The following SENP7 variants were observed in gnomAD, a reference collection of about 807,000 sequenced individuals.
SENP7 encodes the protein sentrin-specific protease 7.
A neutral mutation model predicts 141.2 loss-of-function variants in SENP7; 64 were observed. The observed-to-expected ratio is 0.45, with a 90% CI of 0.37 to 0.56. The LOEUF (loss-of-function observed/expected upper bound fraction) is 0.56. Among genes scored for constraint, SENP7 ranks in the 20% least tolerant of loss-of-function variants. SENP7 has a pLI of 0.00. For synonymous variants in SENP7, 382 were observed against 426.4 expected (o/e 0.90, Z 1.28); for missense variants, 1,025 against 1,212.2 (o/e 0.85, Z 2.29).
At chr3:101,402,559 TTGCAA>T (rs975046865) in intron 5 of SENP7, among the ~76,000 whole-genome samples, 2 of 143,906 alleles carry the variant, frequency 1.4e-5, no homozygotes, top group African/African-American at 5.2e-5. Context: ...GAGGCGGAGG[TTGCAA>T]TGAGATCATG....
chr3:101,397,589 A>AAGT (rs1425513050), intron 6 of SENP7, among the ~76,000 whole-genome samples: 2 of 152,246 alleles, frequency 1.3e-5, no homozygotes, highest in Non-Finnish European at 2.9e-5. Flanking sequence ...CTGATTCACT[A>AAGT]AGTAGAACCT....
intron 4 of SENP7, among the ~76,000 whole-genome samples, chr3:101,434,812 T>C (rs1444829794): frequency 6.6e-6 from 1 of 152,046 alleles, no homozygotes; most frequent in Non-Finnish European, 1.5e-5. Flanking sequence ...CGGGACCCAA[T>C]GGGTTCACTG....
At chr3:101,403,462 T>C (rs1467147702) in intron 5 of SENP7, among the ~76,000 whole-genome samples, 1 of 152,216 alleles carries the variant, frequency 6.6e-6, no homozygotes, top group Non-Finnish European at 1.5e-5. Flanking sequence ...TGCCCAAGTA[T>C]AAGTAGCTTT....
intron 2 of SENP7, among the ~76,000 whole-genome samples, chr3:101,495,255 T>C (rs1437945858): frequency 6.6e-6 from 1 of 151,976 alleles, no homozygotes; most frequent in Non-Finnish European, 1.5e-5. Context: ...AAACAACAGA[T>C]GCTGGCAATG....
At chr3:101,407,860 C>A (rs1450890894) in intron 5 of SENP7, among the ~76,000 whole-genome samples, 1 of 152,048 alleles carries the variant, frequency 6.6e-6, no homozygotes, top group African/African-American at 2.4e-5. Context: ...AATCTAAGGT[C>A]ACACCTCAAA....
At chr3:101,436,651 A>C (rs191957859) in intron 4 of SENP7, among the ~76,000 whole-genome samples, 166 of 152,364 alleles carry the variant, frequency 1.1e-3, no homozygotes, top group Non-Finnish European at 1.6e-3. Context: ...AAAGACATAC[A>C]AATGGCAAAC....
Position 101,366,786 on chromosome 3 carries a change from AG to A in SENP7, c.979-18del. ...TTGTTTTTTCTAAACATAAACACAT[AG>A]AAAAAAATAGCATTTTTCAAATTTG... On this transcript the variant is annotated intron_variant, in intron 8 of 23. Transcript: ENST00000394095. The A allele has an allele frequency of 1.3e-6, 2 of 1,499,952 alleles. No homozygotes were observed. Among genetic ancestry groups the A allele is most frequent in the Non-Finnish European group, 1.8e-6 (2 of 1,115,644 alleles). The allele number at this position is 1,499,952 out of a possible 1,614,324, so 92.9% of individuals were successfully genotyped here. A position where few individuals can be genotyped will look rare whatever the true frequency, so the allele number is the denominator to read the frequency against.
At chr3:101,366,005 G>A (rs1256526906) in intron 9 of SENP7, among the ~76,000 whole-genome samples, 1 of 152,158 alleles carries the variant, frequency 6.6e-6, no homozygotes, top group Non-Finnish European at 1.5e-5. Context: ...ATTCACTGGA[G>A]ATCCTTTAAA....
chr3:101,419,218 G>A (rs1333266201), intron 4 of SENP7, among the ~76,000 whole-genome samples: 1 of 152,166 alleles, frequency 6.6e-6, no homozygotes, highest in Non-Finnish European at 1.5e-5. Flanking sequence ...CTTCTTCAAA[G>A]AAATTAAAGG....
At chr3:101,420,260 C>A (rs2061749053) in intron 4 of SENP7, among the ~76,000 whole-genome samples, 1 of 152,038 alleles carries the variant, frequency 6.6e-6, no homozygotes, top group African/African-American at 2.4e-5. Context: ...CCCAGCTACT[C>A]AGGAGGCTGA....
Position 101,409,324 on chromosome 3 carries a change from T to C in SENP7, c.482+8269A>G, listed in dbSNP as rs149449579. On this transcript the variant is annotated intron_variant, in intron 5 of 23. Coordinates refer to ENST00000394095, the MANE Select transcript of SENP7 (RefSeq NM_020654.5). ...CAACTGGAAACACATCCCATACTCA[T>C]GGATGGGTAGAATCAATATTGTGAA... Among the ~76,000 whole-genome samples the C allele has an allele frequency of 6.2e-3, 937 of 152,332 alleles. 6 individuals are homozygous for C. Among genetic ancestry groups the C allele is most frequent in the African/African-American group, 0.022 (900 of 41,566 alleles).
intron 4 of SENP7, among the ~76,000 whole-genome samples, chr3:101,418,035 T>C (rs776564747): frequency 6.6e-6 from 1 of 152,200 alleles, no homozygotes; most frequent in Non-Finnish European, 1.5e-5. Flanking sequence ...TCATTACACA[T>C]GTACAGCTGC....
At chr3:101,340,990 G>C (rs997582015) in intron 15 of SENP7, among the ~76,000 whole-genome samples, 1 of 152,144 alleles carries the variant, frequency 6.6e-6, no homozygotes, top group Non-Finnish European at 1.5e-5. Context: ...GGTTCAGTAT[G>C]GTAAGAGTCA....
chr3:101,379,238 A>G (rs923116854), intron 6 of SENP7, among the ~76,000 whole-genome samples: 1 of 152,234 alleles, frequency 6.6e-6, no homozygotes, highest in Admixed American at 6.5e-5. Flanking sequence ...TTAACACAAA[A>G]TGGATCAGAG....
At position 101,467,092 on chromosome 3, in the gene SENP7, C is replaced by A. The variant is rs2063786024; in HGVS notation, c.187-8040G>T. 2.6e-5 allele frequency among the ~76,000 whole-genome samples: 4 copies of A among 152,242 alleles called. No individual in the cohort carries two copies. The South Asian group carries it at 8.3e-4, about 31-fold the overall frequency. ...AGCCTTGCTCACTGCTAGCACAGCA[C>A]TCTGAGATCAAACTGCAAGACGGCA... On this transcript the variant is annotated intron_variant, in intron 3 of 23. Transcript: ENST00000394095.
At chr3:101,430,334 G>A (rs558807657) in intron 4 of SENP7, among the ~76,000 whole-genome samples, 1 of 152,068 alleles carries the variant, frequency 6.6e-6, no homozygotes, top group South Asian at 2.1e-4. Flanking sequence ...TTTTTGGTTG[G>A]CAGGCTATTA....
At chr3:101,495,291 C>T (rs2065119530) in intron 2 of SENP7, among the ~76,000 whole-genome samples, 1 of 152,192 alleles carries the variant, frequency 6.6e-6, no homozygotes, top group African/African-American at 2.4e-5. Context: ...AACACTTTTA[C>T]ACCACTGCTG....
intron 4 of SENP7, among the ~76,000 whole-genome samples, chr3:101,418,800 T>C (rs2061698533): frequency 6.6e-6 from 1 of 151,908 alleles, no homozygotes; most frequent in South Asian, 2.1e-4. Context: ...ACTCCAAACA[T>C]GTTGCACACA....
At chr3:101,507,846 A>G (rs952834063) in intron 1 of SENP7, among the ~76,000 whole-genome samples, 1 of 151,712 alleles carries the variant, frequency 6.6e-6, no homozygotes, top group African/African-American at 2.4e-5. Context: ...ATCAAGAGAT[A>G]GAGACCATCC....
Sources: gnomAD v4.1 joint callset for allele counts (sites outside exome capture counted in the v4.1 genomes callset) on GRCh38, gnomAD v4.1.1 for gene constraint, MANE v1.5 for transcripts, NCBI Gene and HGNC (gene_info 2026-07-23, HGNC 2026-07-21) for gene names.